The following BBX variants were observed in gnomAD, a reference collection of about 807,000 sequenced individuals.
BBX encodes HMG box transcription factor BBX.
Under a neutral mutation model 100.2 loss-of-function variants are expected in BBX, and 30 were observed. The ratio of observed to expected loss-of-function variants is 0.30; its 90% CI spans 0.22 to 0.41. BBX has a LOEUF of 0.41. BBX is among the 10% of genes least tolerant of loss of function. The probability of loss-of-function intolerance (pLI) is 1.00; values close to 1 mark genes in which losing one functional copy is unlikely to be tolerated. For synonymous variants in BBX, 376 were observed against 388.1 expected, an observed-to-expected ratio of 0.97 and a Z score of 0.37; for missense variants, 1,023 against 1,129.8, an observed-to-expected ratio of 0.91 and a Z score of 1.35.
intron 6 of BBX, 40 bp downstream of exon 6, chr3:107,729,000 G>A (rs768393623): frequency 1.0e-4 from 160 of 1,582,270 alleles, no homozygotes; most frequent in Non-Finnish European, 1.3e-4. Context: ...TTTAAGGACA[G>A]GGCAATACAT....
At position 107,652,819 on chromosome 3, in the gene BBX, T is replaced by C. The variant is rs573204901; in HGVS notation, c.-10+6910T>C. ...CATATATTTTAGTGTAAAATATTCA[T>C]TTACTGGATATTCTATATAAACACA... On this transcript the variant is annotated intron_variant, in intron 3 of 17. Coordinates refer to ENST00000325805, the MANE Select transcript of BBX (RefSeq NM_001142568.3). Among the ~76,000 whole-genome samples, 26 of 152,328 alleles carry C rather than the reference T, an allele frequency of 1.7e-4. No homozygotes were observed. The South Asian group carries it at 3.5e-3, about 21-fold the overall frequency.
At chr3:107,583,297 A>G (rs113805845) in intron 2 of BBX, among the ~76,000 whole-genome samples, 1 of 152,034 alleles carries the variant, frequency 6.6e-6, no homozygotes, top group Admixed American at 6.5e-5. Flanking sequence ...TTGGAAAGGA[A>G]CTTGCAGATC....
intron 3 of BBX, among the ~76,000 whole-genome samples, chr3:107,660,818 T>C (rs1293393150): frequency 1.3e-5 from 2 of 152,174 alleles, no homozygotes; most frequent in Non-Finnish European, 1.5e-5. Context: ...TACTCGTGCA[T>C]ACAAAGAGCA....
intron 2 of BBX, among the ~76,000 whole-genome samples, chr3:107,623,120 A>G (rs2055904948): frequency 6.6e-6 from 1 of 152,156 alleles, no homozygotes; most frequent in Non-Finnish European, 1.5e-5. Context: ...CCATCGACGC[A>G]GTGCTTTGTT....
intron 10 of BBX, among the ~76,000 whole-genome samples, chr3:107,756,420 A>G (rs1412299330): frequency 6.6e-6 from 1 of 152,154 alleles, no homozygotes; most frequent in Non-Finnish European, 1.5e-5. Context: ...GTGGATAACC[A>G]AAAATCTCTT....
intron 2 of BBX, among the ~76,000 whole-genome samples, chr3:107,534,179 A>G (rs1422683720): frequency 6.6e-6 from 1 of 152,238 alleles, no homozygotes; most frequent in Non-Finnish European, 1.5e-5. Flanking sequence ...TTACATGACT[A>G]CATTCCTTGG....
intron 2 of BBX, among the ~76,000 whole-genome samples, chr3:107,639,793 T>G (rs973345526): frequency 3.9e-5 from 6 of 152,124 alleles, no homozygotes; most frequent in African/African-American, 1.4e-4. Flanking sequence ...AATCAGCTAA[T>G]GTATATTGAA....
intron 2 of BBX, among the ~76,000 whole-genome samples, chr3:107,549,333 A>G (rs2049482657): frequency 6.6e-6 from 1 of 152,156 alleles, no homozygotes; most frequent in Non-Finnish European, 1.5e-5. Context: ...AAATAAAATA[A>G]GTAAGCTGTA....
intron 3 of BBX, among the ~76,000 whole-genome samples, chr3:107,702,807 T>C (rs2061161586): frequency 6.6e-6 from 1 of 151,944 alleles, no homozygotes; most frequent in Non-Finnish European, 1.5e-5. Flanking sequence ...CTTTTAGAAA[T>C]GGATGTTCAG....
intron 2 of BBX, among the ~76,000 whole-genome samples, chr3:107,618,364 G>T (rs541205668): frequency 8.0e-4 from 121 of 152,040 alleles, no homozygotes; most frequent in African/African-American, 2.7e-3. Flanking sequence ...GTGTTAGTTC[G>T]AAAGTAATAC....
At chr3:107,687,799 A>G (rs1314385292) in intron 3 of BBX, among the ~76,000 whole-genome samples, 1 of 152,224 alleles carries the variant, frequency 6.6e-6, no homozygotes, top group African/African-American at 2.4e-5. Flanking sequence ...TCACACCTGT[A>G]ATCCCAGCAC....
intron 7 of BBX, among the ~76,000 whole-genome samples, chr3:107,742,659 G>T (rs544058913): frequency 2.9e-4 from 44 of 152,272 alleles, no homozygotes; most frequent in South Asian, 1.7e-3. Flanking sequence ...CATATGGAGA[G>T]AATTAAGTTA....
intron 2 of BBX, among the ~76,000 whole-genome samples, chr3:107,601,553 T>G (rs1280404642): frequency 6.6e-6 from 1 of 152,190 alleles, no homozygotes; most frequent in Non-Finnish European, 1.5e-5. Context: ...GCCACAACAC[T>G]CCCTTAAGCC....
chr3:107,607,105 T>C (rs965688869), intron 2 of BBX, among the ~76,000 whole-genome samples: 4 of 149,686 alleles, frequency 2.7e-5, no homozygotes, highest in Non-Finnish European at 6.0e-5. Flanking sequence ...GATCTTATTC[T>C]TTTTTTTTTG....
intron 3 of BBX, among the ~76,000 whole-genome samples, chr3:107,710,022 T>TG (rs1431287250): frequency 6.6e-6 from 1 of 152,244 alleles, no homozygotes; most frequent in Non-Finnish European, 1.5e-5. Flanking sequence ...AGAGAATGCC[T>TG]GGGGGGCAAG....
intron 2 of BBX, among the ~76,000 whole-genome samples, chr3:107,571,666 T>TG (rs2107518828): frequency 6.6e-6 from 1 of 152,362 alleles, no homozygotes; most frequent in South Asian, 2.1e-4. Context: ...GACAGGGGAC[T>TG]GGTCTCCCGA....
chr3:107,695,454 C>T (rs2060518559), intron 3 of BBX, among the ~76,000 whole-genome samples: 1 of 137,756 alleles, frequency 7.3e-6, no homozygotes, highest in Non-Finnish European at 1.5e-5. Context: ...TCGTTATGTA[C>T]CCAGTAGTCA....
At chr3:107,616,245 G>C (rs973190594) in intron 2 of BBX, among the ~76,000 whole-genome samples, 4 of 151,376 alleles carry the variant, frequency 2.6e-5, no homozygotes, top group African/African-American at 9.7e-5. Context: ...TCAGATTCTG[G>C]ATTTTTGAAT....
At chr3:107,572,076 G>A (rs537946217) in intron 2 of BBX, among the ~76,000 whole-genome samples, 5 of 152,270 alleles carry the variant, frequency 3.3e-5, no homozygotes, top group South Asian at 2.1e-4. Context: ...GTAAATAAAG[G>A]TTATGGGAAA....
Sources: gnomAD v4.1 joint callset for allele counts (sites outside exome capture counted in the v4.1 genomes callset) on GRCh38, gnomAD v4.1.1 for gene constraint, MANE v1.5 for transcripts, NCBI Gene and HGNC (gene_info 2026-07-23, HGNC 2026-07-21) for gene names.